NEO1: variants seen among roughly 807,000 people sequenced by gnomAD.
The protein encoded by NEO1 is neogenin 1.
NEO1 carries 63 observed loss-of-function variants against 159.7 expected under a neutral mutation model. The ratio of observed to expected loss-of-function variants is 0.39; its 90% CI spans 0.32 to 0.49. NEO1 has a LOEUF of 0.49. Among genes scored for constraint, NEO1 ranks in the 20% least tolerant of loss-of-function variants. The pLI is 0.85. For synonymous variants in NEO1, 633 were observed against 662.0 expected, an observed-to-expected ratio of 0.96 and a Z score of 0.67; for missense variants, 1,615 against 1,831.0, an observed-to-expected ratio of 0.88 and a Z score of 2.15.
In NEO1 at chr15:73,250,122, G is replaced by T. The variant is rs377609458; in HGVS notation, c.1894+401G>T. 4.6e-5 allele frequency among the ~76,000 whole-genome samples: 7 copies of T among 151,762 alleles called. No homozygotes were observed. The East Asian group carries it at 5.8e-4, about 13-fold the overall frequency. On this transcript the variant is annotated intron_variant, in intron 11 of 28. Coordinates refer to ENST00000261908, the MANE Select transcript of NEO1 (RefSeq NM_002499.4). ...CCAAATTAGTCTTTCTAGTTCCTCC[G>T]TATTTGTGACTGTTTTATCTCTCAC...
chr15:73,102,381 A>G (rs940099513), intron 1 of NEO1, among the ~76,000 whole-genome samples: 1 of 152,164 alleles, frequency 6.6e-6, no homozygotes, highest in African/African-American at 2.4e-5. Context: ...AAAAAATTTA[A>G]TAAGGTTTAA....
At chr15:73,052,388 C>G (rs2067482275), upstream of NEO1, 1 of 117,696 alleles carries the variant, frequency 8.5e-6, no homozygotes, top group East Asian at 2.2e-4. Flanking sequence ...GTGGCGGCGC[C>G]TGGAACCTGG....
At chr15:73,139,339 G>T (rs1419897545) in intron 5 of NEO1, among the ~76,000 whole-genome samples, 1 of 152,066 alleles carries the variant, frequency 6.6e-6, no homozygotes, top group Non-Finnish European at 1.5e-5. Flanking sequence ...GGATTGCATT[G>T]AACTGAGACG....
rs141795359 is a variant in NEO1 at position 73,282,737 on chromosome 15, A to G, written c.3263-227A>G. Among the ~76,000 whole-genome samples the G allele has an allele frequency of 3.3e-3, 500 of 152,318 alleles. 3 individuals carry two copies. Among genetic ancestry groups the G allele is most frequent in the African/African-American group, 0.012 (478 of 41,562 alleles). On this transcript the variant is annotated intron_variant, in intron 22 of 28. Transcript: ENST00000261908. ...ATTTGAGAAGCTTTAATTAAGTACT[A>G]TCTTTGAGCAGGCTCTGTCCTGAGC... is the stretch of plus-strand genomic sequence containing the variant.
At chr15:73,155,584 T>G (rs1048728110) in intron 5 of NEO1, among the ~76,000 whole-genome samples, 1 of 152,204 alleles carries the variant, frequency 6.6e-6, no homozygotes, top group Non-Finnish European at 1.5e-5. Context: ...TTCTTTCCCC[T>G]CAGGAATACC....
intron 23 of NEO1, 144 bp downstream of exon 23, chr15:73,283,255 G>T (rs2041805491): frequency 3.0e-6 from 3 of 1,014,392 alleles, no homozygotes; most frequent in African/African-American, 3.2e-5. Flanking sequence ...AAAATGGGAA[G>T]TGGTTCCTCT....
chr15:73,158,953 T>C (rs893022831), intron 5 of NEO1, among the ~76,000 whole-genome samples: 8 of 152,168 alleles, frequency 5.3e-5, no homozygotes, highest in African/African-American at 1.9e-4. Context: ...TGAAAACTAC[T>C]TTGGAGGCCT....
chr15:73,208,691 G>T (rs937956405), intron 7 of NEO1, among the ~76,000 whole-genome samples: 2 of 151,818 alleles, frequency 1.3e-5, no homozygotes, highest in African/African-American at 4.8e-5. Context: ...GTGAAATGCC[G>T]TCTCTACAAA....
At chr15:73,274,603 T>C in intron 20 of NEO1, 89 bp from the exon 21 acceptor site, 1 of 1,371,906 alleles carries the variant, frequency 7.3e-7, no homozygotes, top group Non-Finnish European at 1.0e-6. Flanking sequence ...GGGTTTTAGT[T>C]TTTTTCCTTT....
In NEO1 at chr15:73,056,669, CT is replaced by C. The variant is rs202155936; in HGVS notation, c.130+3865del. On this transcript the variant is annotated intron_variant, in intron 1 of 28. Transcript: ENST00000261908. ...GTGTGCATGTGTGTGTGGGCCCCCC[CT>C]GCCCTTCCCCTCAAACCTTATCCTT... Among the ~76,000 whole-genome samples the C allele has an allele frequency of 6.3e-3, 955 of 152,278 alleles. 11 individuals are homozygous for C. Among genetic ancestry groups the C allele is most frequent in the African/African-American group, 0.021 (881 of 41,558 alleles).
intron 1 of NEO1, among the ~76,000 whole-genome samples, chr15:73,063,857 G>T (rs749482293): frequency 2.0e-5 from 3 of 152,136 alleles, no homozygotes; most frequent in Non-Finnish European, 4.4e-5. Context: ...GATAGTGCAT[G>T]TTCCAATTTA....
At chr15:73,135,847 T>C in intron 4 of NEO1, 44 bp from the exon 5 acceptor site, 1 of 1,444,180 alleles carries the variant, frequency 6.9e-7, no homozygotes, top group African/African-American at 1.4e-5. Flanking sequence ...ATTATTTTCC[T>C]AGTACTGAAA....
chr15:73,118,977 GC>G (rs2071475043), intron 2 of NEO1, among the ~76,000 whole-genome samples: 1 of 150,654 alleles, frequency 6.6e-6, no homozygotes, highest in African/African-American at 2.4e-5. Context: ...AATTGGGATT[GC>G]TGGATCATAG....
At position 73,254,668 on chromosome 15, in the gene NEO1, T is replaced by G. The variant is rs374360833; in HGVS notation, c.1945-14T>G. 17 of 1,588,328 alleles carry G rather than the reference T, an allele frequency of 1.1e-5. No individual in the cohort carries two copies. Among genetic ancestry groups the G allele is most frequent in the Admixed American group, 3.8e-5 (2 of 53,214 alleles). ...ATATATTCAGCCTTTTTTCTATAAT[T>G]CTGTCTTGTGCAGAGTATTATGATT... On this transcript the variant is annotated splice_polypyrimidine_tract_variant and intron_variant, in intron 12 of 28. Transcript: ENST00000261908.
At chr15:73,237,793 A>G (rs185872465) in intron 8 of NEO1, among the ~76,000 whole-genome samples, 23 of 152,378 alleles carry the variant, frequency 1.5e-4, no homozygotes, top group African/African-American at 4.1e-4. Flanking sequence ...AATATCTTCA[A>G]TAGACTTTGA....
chr15:73,294,307 T>C (rs1174994026), intron 26 of NEO1, among the ~76,000 whole-genome samples: 1 of 152,236 alleles, frequency 6.6e-6, no homozygotes, highest in Non-Finnish European at 1.5e-5. Flanking sequence ...ATTTTCATCC[T>C]CAGTTTTAAA....
intron 1 of NEO1, among the ~76,000 whole-genome samples, chr15:73,075,203 A>G (rs1197252811): frequency 6.6e-6 from 1 of 152,192 alleles, no homozygotes; most frequent in Non-Finnish European, 1.5e-5. Flanking sequence ...CCAAAGTTAA[A>G]TAGAACGTCC....
intron 5 of NEO1, among the ~76,000 whole-genome samples, chr15:73,165,685 G>C (rs1157116239): frequency 6.6e-6 from 1 of 152,194 alleles, no homozygotes; most frequent in African/African-American, 2.4e-5. Context: ...AAAGGGTGAG[G>C]TTGGAACAAA....
Position 73,279,625 on chromosome 15 carries a change from A to G in NEO1, c.3262+1426A>G, listed in dbSNP as rs556008672. 4.2e-4 allele frequency among the ~76,000 whole-genome samples: 64 copies of G among 152,214 alleles called. 1 individual carries two copies. The highest frequency in any genetic ancestry group is 6.8e-3 in the Middle Eastern group (2 of 294). ...CGGCCTCCCAAAGTGCTGGGATTAC[A>G]GGCGTGAGCCACCACGCCCGGGGCC... is the stretch of plus-strand genomic sequence containing the variant. On this transcript the variant is annotated intron_variant, in intron 22 of 28. Coordinates refer to ENST00000261908, the MANE Select transcript of NEO1 (RefSeq NM_002499.4).
Sources: gnomAD v4.1 joint callset for allele counts (sites outside exome capture counted in the v4.1 genomes callset) on GRCh38, gnomAD v4.1.1 for gene constraint, MANE v1.5 for transcripts, NCBI Gene and HGNC (gene_info 2026-07-23, HGNC 2026-07-21) for gene names.